The following XKR9 variants were observed in gnomAD, a reference collection of about 807,000 sequenced individuals.
XKR9 encodes XK-related protein 9.
Under a neutral mutation model 32.0 loss-of-function variants are expected in XKR9, and 32 were observed. The ratio of observed to expected loss-of-function variants is 1.00; its 90% CI spans 0.76 to 1.34. XKR9 has a LOEUF of 1.34. Among genes scored for constraint, XKR9 ranks in the 40% most tolerant of loss-of-function variants. The probability of loss-of-function intolerance (pLI) is 0.00; values close to 1 mark genes in which losing one functional copy is unlikely to be tolerated. For synonymous variants in XKR9, 168 were observed against 143.4 expected, an observed-to-expected ratio of 1.17 and a Z score of -1.22; for missense variants, 546 against 429.7, an observed-to-expected ratio of 1.27 and a Z score of -2.39.
At chr8:70,743,602 C>T (rs1220335827) in intron 2 of XKR9, among the ~76,000 whole-genome samples, 3 of 152,186 alleles carry the variant, frequency 2.0e-5, no homozygotes, top group Admixed American at 6.5e-5. Flanking sequence ...ATTTAACCTT[C>T]AGTGAGCTGC....
the XKR9 span, among the ~76,000 whole-genome samples, chr8:70,937,401 G>A: frequency 6.6e-6 from 1 of 152,070 alleles, no homozygotes; most frequent in South Asian, 2.1e-4. Context: ...AACTAAATCA[G>A]AATCTCCAAA....
At chr8:70,841,373 T>C in the XKR9 span, among the ~76,000 whole-genome samples, 1 of 152,242 alleles carries the variant, frequency 6.6e-6, no homozygotes, top group Admixed American at 6.5e-5. Flanking sequence ...TACTGTGTCA[T>C]ATTCAACTTT....
the XKR9 span, among the ~76,000 whole-genome samples, chr8:70,825,159 G>T: frequency 1.3e-5 from 2 of 151,914 alleles, no homozygotes; most frequent in African/African-American, 4.8e-5. Flanking sequence ...TGAGTTATTT[G>T]GTGAATGATA....
chr8:70,783,223 T>C (rs2130256269), intron 2 of XKR9, among the ~76,000 whole-genome samples: 1 of 150,420 alleles, frequency 6.6e-6, no homozygotes, highest in East Asian at 1.9e-4. Flanking sequence ...GCCATTTGTA[T>C]GTCTTTTTTT....
intron 3 of XKR9, among the ~76,000 whole-genome samples, chr8:70,703,785 G>A (rs541662983): frequency 2.0e-5 from 3 of 152,206 alleles, no homozygotes; most frequent in South Asian, 2.1e-4. Flanking sequence ...GTGGCTTTTT[G>A]TTTCAAATAA....
intron 3 of XKR9, among the ~76,000 whole-genome samples, chr8:70,688,991 T>C (rs1358656749): frequency 1.3e-5 from 2 of 152,170 alleles, no homozygotes; most frequent in Non-Finnish European, 2.9e-5. Context: ...CTATAACAAT[T>C]GTAGATTTGA....
At chr8:70,758,665 G>A (rs535981403) in intron 2 of XKR9, among the ~76,000 whole-genome samples, 6 of 152,238 alleles carry the variant, frequency 3.9e-5, no homozygotes, top group South Asian at 2.1e-4. Flanking sequence ...CGTTTTTGTC[G>A]TTCACAAATA....
chr8:70,728,621 C>A (rs1045127543), intron 4 of XKR9, among the ~76,000 whole-genome samples: 1 of 152,060 alleles, frequency 6.6e-6, no homozygotes, highest in African/African-American at 2.4e-5. Context: ...GTCCAAACTG[C>A]AGAAAAAAAC....
At chr8:70,864,770 G>A in the XKR9 span, among the ~76,000 whole-genome samples, 1 of 152,104 alleles carries the variant, frequency 6.6e-6, no homozygotes, top group South Asian at 2.1e-4. Context: ...CTGTCTCAGG[G>A]GTAATCTCCT....
the XKR9 span, among the ~76,000 whole-genome samples, chr8:70,814,932 C>T: frequency 6.6e-6 from 1 of 152,156 alleles, no homozygotes; most frequent in African/African-American, 2.4e-5. Flanking sequence ...AAGTCAGTAG[C>T]ATTTCCATAC....
At chr8:70,795,072 C>T (rs1807811435), downstream of XKR9, among the ~76,000 whole-genome samples, 1 of 151,894 alleles carries the variant, frequency 6.6e-6, no homozygotes, top group Non-Finnish European at 1.5e-5. Context: ...ATTATTTTGT[C>T]ATACTGGTAT....
At chr8:71,016,511 AC>A in the XKR9 span, among the ~76,000 whole-genome samples, 9 of 152,148 alleles carry the variant, frequency 5.9e-5, no homozygotes, top group African/African-American at 2.2e-4. Context: ...GAACATCTGG[AC>A]CTACTCTTTC....
At chr8:70,914,693 T>C in the XKR9 span, among the ~76,000 whole-genome samples, 1 of 152,194 alleles carries the variant, frequency 6.6e-6, no homozygotes, top group East Asian at 1.9e-4. Context: ...TCCTTAACGG[T>C]GTCTTTTAAT....
chr8:70,927,872 G>A, the XKR9 span, among the ~76,000 whole-genome samples: 3 of 152,248 alleles, frequency 2.0e-5, no homozygotes, highest in East Asian at 1.9e-4. Context: ...GGTCATTGAC[G>A]AGTAGGTGCT....
chr8:70,693,674 A>G (rs1051115097), intron 3 of XKR9, among the ~76,000 whole-genome samples: 6 of 152,222 alleles, frequency 3.9e-5, no homozygotes, highest in Non-Finnish European at 7.3e-5. Context: ...GCAACTGCTC[A>G]GTGCAGTCAG....
chr8:70,679,746 A>T (rs1819011087), intron 2 of XKR9, among the ~76,000 whole-genome samples: 2 of 152,230 alleles, frequency 1.3e-5, no homozygotes, highest in African/African-American at 4.8e-5. Flanking sequence ...TTGTATGCAG[A>T]TTGTGTTCAT....
downstream of XKR9, among the ~76,000 whole-genome samples, chr8:70,739,888 G>C (rs1369696016): frequency 6.6e-6 from 1 of 152,114 alleles, no homozygotes; most frequent in Non-Finnish European, 1.5e-5. Context: ...TTTCTCTCTG[G>C]CTGCCCTTAA....
intron 1 of XKR9, among the ~76,000 whole-genome samples, chr8:70,672,644 C>T (rs1329697641): frequency 6.6e-6 from 1 of 151,918 alleles, no homozygotes; most frequent in Non-Finnish European, 1.5e-5. Context: ...CATCTCTGTA[C>T]TGTTTTCCAT....
intron 2 of XKR9, among the ~76,000 whole-genome samples, chr8:70,786,756 T>G (rs1297000781): frequency 6.6e-6 from 1 of 152,106 alleles, no homozygotes; most frequent in Non-Finnish European, 1.5e-5. Flanking sequence ...TTTAATCCAT[T>G]TACATTCAGG....
Sources: allele counts gnomAD v4.1 joint callset (sites outside exome capture counted in the v4.1 genomes callset), GRCh38; gene constraint gnomAD v4.1.1; transcripts MANE v1.5; gene names NCBI Gene and HGNC (gene_info 2026-07-23, HGNC 2026-07-21).